The following ARRB1 variants were observed in gnomAD, a reference collection of about 807,000 sequenced individuals.
ARRB1 encodes arrestin beta 1.
A neutral mutation model predicts 56.8 loss-of-function variants in ARRB1; 21 were observed. That is an observed-to-expected ratio of 0.37 (90% CI 0.26 to 0.53). The LOEUF (loss-of-function observed/expected upper bound fraction) is 0.53. ARRB1 is among the 20% of genes least tolerant of loss of function. The pLI, the probability that ARRB1 is intolerant of heterozygous loss-of-function variation, is 0.88. For missense variants in ARRB1, 424 were observed against 553.7 expected, an observed-to-expected ratio of 0.77 and a Z score of 2.35; for synonymous variants, 210 against 218.6, an observed-to-expected ratio of 0.96 and a Z score of 0.35.
intron 1 of ARRB1, among the ~76,000 whole-genome samples, chr11:75,301,235 G>T (rs931460138): frequency 6.6e-6 from 1 of 152,180 alleles, no homozygotes; most frequent in African/African-American, 2.4e-5. Flanking sequence ...ACTGCAGGCA[G>T]AGGCCTGGAG....
At chr11:75,318,127 C>CTGGGAATA (rs1947292069) in intron 1 of ARRB1, among the ~76,000 whole-genome samples, 1 of 148,358 alleles carries the variant, frequency 6.7e-6, no homozygotes, top group Admixed American at 6.8e-5. Context: ...TGATGTCGGC[C>CTGGGAATA]TGGGAATAAG....
chr11:75,320,121 G>C (rs889813387), intron 1 of ARRB1, among the ~76,000 whole-genome samples: 1 of 152,162 alleles, frequency 6.6e-6, no homozygotes, highest in Non-Finnish European at 1.5e-5. Context: ...CAACAGAGGA[G>C]GAAGAGAAGA....
chr11:75,336,008 G>A (rs1226552273), intron 1 of ARRB1, among the ~76,000 whole-genome samples: 1 of 152,096 alleles, frequency 6.6e-6, no homozygotes, highest in African/African-American at 2.4e-5. Flanking sequence ...AGAAACCAAG[G>A]CTCACTCAGT....
chr11:75,348,017 ATC>A (rs1457950984), intron 1 of ARRB1, among the ~76,000 whole-genome samples: 1 of 152,122 alleles, frequency 6.6e-6, no homozygotes, highest in Non-Finnish European at 1.5e-5. Context: ...TGCCAAAGAC[ATC>A]TCTCTGAAAT....
At chr11:75,271,613 C>A in intron 13 of ARRB1, 88 bp downstream of exon 13, 1 of 1,395,906 alleles carries the variant, frequency 7.2e-7, no homozygotes, top group Non-Finnish European at 9.7e-7. Context: ...TCCTTCCAAC[C>A]CAGTGCCCTG....
chr11:75,306,545 A>G lies in ARRB1; in HGVS notation c.21-16506T>C, dbSNP rs557400633. 667 of 1,218,060 alleles carry G rather than the reference A, an allele frequency of 5.5e-4. 1 individual carries two copies. The highest frequency in any genetic ancestry group is 7.0e-4 in the Non-Finnish European group (645 of 923,580). The allele number at this position is 1,218,060 out of a possible 1,614,324, so 75.5% of individuals were successfully genotyped here. ...AAACTTCCTGGTGAGTCAGATAGAA[A>G]GTCTTACCCCATTTTACAGATGAGA... is the stretch of plus-strand genomic sequence containing the variant. On this transcript the variant is annotated intron_variant, in intron 1 of 15. Coordinates refer to ENST00000420843, the MANE Select transcript of ARRB1 (RefSeq NM_004041.5).
chr11:75,266,900 C>T (rs1016746184), intron 15 of ARRB1, among the ~76,000 whole-genome samples: 1 of 152,106 alleles, frequency 6.6e-6, no homozygotes, highest in Non-Finnish European at 1.5e-5. Context: ...AGGACCTGTT[C>T]GTGAGGAAAG....
At chr11:75,302,006 GAA>G in intron 1 of ARRB1, among the ~76,000 whole-genome samples, 1 of 152,308 alleles carries the variant, frequency 6.6e-6, no homozygotes, top group South Asian at 2.1e-4. Flanking sequence ...CCGAGTGAGA[GAA>G]GAGTCTCACA....
chr11:75,266,317 A>G (rs1945911338), intron 15 of ARRB1, 43 bp from the exon 16 acceptor site: 3 of 1,530,066 alleles, frequency 2.0e-6, no homozygotes, highest in Non-Finnish European at 2.7e-6. Context: ...TTGCAGGGGC[A>G]GGGAGAGTAG....
chr11:75,334,789 C>T (rs1024409349), intron 1 of ARRB1, among the ~76,000 whole-genome samples: 5 of 152,190 alleles, frequency 3.3e-5, no homozygotes, highest in African/African-American at 7.2e-5. Context: ...GGGCTCTAAC[C>T]TATGACAGAT....
intron 3 of ARRB1, among the ~76,000 whole-genome samples, 186 bp from the exon 4 acceptor site, chr11:75,284,465 C>G (rs899115): frequency 0.12 from 18,944 of 152,134 alleles, 1,285 homozygotes; most frequent in Admixed American, 0.21. Flanking sequence ...TTCCCCCATC[C>G]CAGGCCAGTA....
At chr11:75,290,356 T>G (rs1033034850) in intron 1 of ARRB1, among the ~76,000 whole-genome samples, 2 of 152,168 alleles carry the variant, frequency 1.3e-5, no homozygotes, top group African/African-American at 4.8e-5. Flanking sequence ...CTGTAAGGTC[T>G]GTGTGATCTA....
chr11:75,312,057 A>C (rs1198872814), intron 1 of ARRB1: 15 of 1,289,226 alleles, frequency 1.2e-5, no homozygotes, highest in African/African-American at 1.5e-5. Context: ...CTAAGTGCTG[A>C]TCACCTCAGC....
At chr11:75,349,356 G>A (rs1025597917) in intron 1 of ARRB1, among the ~76,000 whole-genome samples, 3 of 152,292 alleles carry the variant, frequency 2.0e-5, no homozygotes, top group Admixed American at 6.5e-5. Context: ...ACTAACGTCC[G>A]GAAAAGTAAA....
At chr11:75,318,174 T>TGAGA (rs202121129) in intron 1 of ARRB1, among the ~76,000 whole-genome samples, 3 of 106,670 alleles carry the variant, frequency 2.8e-5, no homozygotes, top group East Asian at 2.8e-4. Context: ...TTTTTTTTTT[T>TGAGA]GAGAGAGAGA....
At chr11:75,289,911 G>A (rs1249116442) in intron 2 of ARRB1, 98 bp downstream of exon 2, 2 of 1,544,996 alleles carry the variant, frequency 1.3e-6, no homozygotes, top group Non-Finnish European at 1.8e-6. Context: ...CCACAGAGGT[G>A]TGCATTTCAG....
intron 1 of ARRB1, among the ~76,000 whole-genome samples, chr11:75,324,602 T>A (rs1165601975): frequency 6.6e-6 from 1 of 151,220 alleles, no homozygotes. Context: ...GCCTGGGGAG[T>A]GTGCGTGTGG....
rs373196375 is a variant in ARRB1, at chr11:75,277,586, A to G, written c.619-138T>C. 168 of 734,192 alleles carry G rather than the reference A, an allele frequency of 2.3e-4. 2 individuals carry two copies. In the East Asian group the frequency reaches 2.9e-3, roughly 13 times the overall value. The allele number at this position is 734,192 out of a possible 1,614,324, so 45.5% of individuals were successfully genotyped here. A position where few individuals can be genotyped will look rare whatever the true frequency, so the allele number is the denominator to read the frequency against. On this transcript the variant is annotated intron_variant, in intron 8 of 15. Coordinates refer to ENST00000420843, the MANE Select transcript of ARRB1 (RefSeq NM_004041.5). ...ACCTTCAGAAGGGTCTGCTGCTCCC[A>G]TCTGAAGTCCATCACATCCCTCAGG...
At chr11:75,274,277 GC>G in intron 10 of ARRB1, 66 bp from the exon 11 acceptor site, 1 of 1,587,128 alleles carries the variant, frequency 6.3e-7, no homozygotes. Flanking sequence ...CTGATCTCCA[GC>G]CCAGCAGAAT....
Sources: allele counts gnomAD v4.1 joint callset (sites outside exome capture counted in the v4.1 genomes callset), GRCh38; gene constraint gnomAD v4.1.1; transcripts MANE v1.5; gene names NCBI Gene and HGNC (gene_info 2026-07-23, HGNC 2026-07-21).